Variants in LBR observed in about 807,000 individuals in gnomAD.
The protein encoded by LBR is delta(14)-sterol reductase LBR.
In LBR, 28 loss-of-function variants were observed where a neutral mutation model predicts 74.3. That is an observed-to-expected ratio of 0.38 (90% CI 0.28 to 0.52). The LOEUF is 0.52. LBR is among the 20% of genes least tolerant of loss of function. The pLI is 0.89. For missense variants in LBR, 717 were observed against 760.3 expected (o/e 0.94, Z 0.67); for synonymous variants, 228 against 269.3 (o/e 0.85, Z 1.50).
chr1:225,426,025 T>C lies in LBR; in HGVS notation c.-15+1929A>G, dbSNP rs530587580. Among the ~76,000 whole-genome samples the C allele has an allele frequency of 4.6e-5, 7 of 152,362 alleles. No homozygotes were observed. In the South Asian group the frequency reaches 1.4e-3, roughly 32 times the overall value. The stretch of plus-strand genomic sequence containing the variant: ...GTGCCAAAAAGATTCTTATCAATTA[T>C]TCTGGGTTAAACAAGTTAACACATA... On this transcript the variant is annotated intron_variant, in intron 1 of 13. Transcript: ENST00000272163.
At chr1:225,422,520 C>G (rs115878098) in intron 2 of LBR, 1 of 522,220 alleles carries the variant, frequency 1.9e-6, no homozygotes, top group African/African-American at 1.9e-5. Flanking sequence ...TTCCATGAAA[C>G]GAATGTATCT....
chr1:225,418,824 G>A (rs190147895), intron 5 of LBR, among the ~76,000 whole-genome samples: 13 of 152,190 alleles, frequency 8.5e-5, no homozygotes, highest in East Asian at 1.9e-4. Context: ...CAATCAACCC[G>A]CCTAGCAGGT....
rs76142685 is a variant in LBR, at chr1:225,425,225, G to C, written c.-14-1136C>G. On this transcript the variant is annotated intron_variant, in intron 1 of 13. Transcript: ENST00000272163. ...CCCCAAGGGAGTAGTGGGAGAGTGGGGGGGGAGGCGGGGTGAGGGAGGCCT... is the reference window on the plus strand; with the variant it reads ...CCCCAAGGGAGTAGTGGGAGAGTGGCGGGGGAGGCGGGGTGAGGGAGGCCT... Among the ~76,000 whole-genome samples, 930 of 152,240 alleles carry C rather than the reference G, an allele frequency of 6.1e-3. 3 individuals are homozygous for C. Among genetic ancestry groups the C allele is most frequent in the Non-Finnish European group, 9.6e-3 (653 of 68,022 alleles).
chr1:225,424,199 G>C (rs1401723042), intron 1 of LBR, 110 bp from the exon 2 acceptor site: 2 of 861,628 alleles, frequency 2.3e-6, no homozygotes, highest in Admixed American at 1.7e-5. Context: ...GACTGGTCAG[G>C]ATTTTAGGGC....
chr1:225,427,260 T>G (rs1160049841), intron 1 of LBR: 1 of 152,178 alleles, frequency 6.6e-6, no homozygotes, highest in African/African-American at 2.4e-5. Context: ...TTAGAACATT[T>G]TTCTGAACCC....
chr1:225,428,513 A>G (rs1338397758), upstream of LBR, among the ~76,000 whole-genome samples: 2 of 152,216 alleles, frequency 1.3e-5, no homozygotes, highest in Non-Finnish European at 2.9e-5. Context: ...GTTTCTCGGT[A>G]AAACACTATG....
At chr1:225,417,192 T>C (rs949692375) in intron 6 of LBR, among the ~76,000 whole-genome samples, 17 of 152,188 alleles carry the variant, frequency 1.1e-4, no homozygotes, top group African/African-American at 4.1e-4. Flanking sequence ...ACTAAAGTTA[T>C]GGTCTCACTC....
At chr1:225,419,664 C>CA (rs748082799) in intron 4 of LBR, 51 bp downstream of exon 4, 101 of 1,373,392 alleles carry the variant, frequency 7.4e-5, no homozygotes, top group East Asian at 3.9e-4. Flanking sequence ...CACTTTTAAC[C>CA]AAAAAAAAGA....
intron 8 of LBR, among the ~76,000 whole-genome samples, 160 bp from the exon 9 acceptor site, chr1:225,411,600 G>A (rs943015487): frequency 2.0e-4 from 30 of 152,212 alleles, no homozygotes; most frequent in African/African-American, 7.0e-4. Flanking sequence ...ACAGACGAGC[G>A]GAACCAGGAG....
intron 10 of LBR, 101 bp downstream of exon 10, chr1:225,410,190 A>C: frequency 6.4e-7 from 1 of 1,569,694 alleles, no homozygotes; most frequent in Non-Finnish European, 8.7e-7. Context: ...GAGGCAGGCC[A>C]TGCTCCCCTC....
chr1:225,406,116 A>T (rs117164211), intron 11 of LBR, among the ~76,000 whole-genome samples: 1 of 152,114 alleles, frequency 6.6e-6, no homozygotes, highest in Non-Finnish European at 1.5e-5. Context: ...CCAGTGCCTG[A>T]CTTTTCGATC....
Position 225,406,646 on chromosome 1 carries a change from A to C in LBR, c.1483+18T>G. ...ATAATATTTAATAAATTAAACTGAG[A>C]CTAAAATTAATACTCACGTTTCAGA... On this transcript the variant is annotated intron_variant, in intron 11 of 13. Coordinates refer to ENST00000272163, the MANE Select transcript of LBR (RefSeq NM_002296.4). 1 of 1,599,340 alleles carries C rather than the reference A, an allele frequency of 6.3e-7. No individual in the cohort carries two copies. The highest frequency in any genetic ancestry group is 8.5e-7 in the Non-Finnish European group (1 of 1,170,010).
chr1:225,405,959 G>C (rs1012066131), intron 11 of LBR, among the ~76,000 whole-genome samples: 2 of 152,138 alleles, frequency 1.3e-5, no homozygotes, highest in Non-Finnish European at 2.9e-5. Context: ...TAAGTGTTTA[G>C]TGAACAGTGT....
At chr1:225,403,512 A>G (rs1267070969) in intron 13 of LBR, 49 bp from the exon 14 acceptor site, 2 of 1,472,804 alleles carry the variant, frequency 1.4e-6, no homozygotes, top group Admixed American at 3.4e-5. Flanking sequence ...TTATCACTAC[A>G]ATGTATTTTT....
In LBR at chr1:225,419,404, T is replaced by G. The variant is rs565648951; in HGVS notation, c.499A>C (p.Ser167Arg). 1 of 1,613,666 alleles carries G rather than the reference T, an allele frequency of 6.2e-7. No homozygotes were observed. The highest frequency in any genetic ancestry group is 8.5e-7 in the Non-Finnish European group (1 of 1,179,518). ...QESSYIATQY[S>R]LRPRREEVKL... Reference sequence around the variant, plus strand: ...ACTTCTTCTCTTCTTGGACGAAGGCTATACTGTGTTGCTATGTAACTGCTT... The same window carrying G: ...ACTTCTTCTCTTCTTGGACGAAGGCGATACTGTGTTGCTATGTAACTGCTT... The change falls in exon 5 of 14, where the codon AGC becomes CGC. Residue 167 changes from serine (S) to arginine (R), a missense_variant. By Grantham distance (110) the Ser-to-Arg change is moderately radical. Coordinates refer to ENST00000272163, the MANE Select transcript of LBR (RefSeq NM_002296.4).
At position 225,419,436 on chromosome 1, in the gene LBR, G is replaced by A. The variant is rs776383202; in HGVS notation, c.467C>T (p.Ser156Leu). 3 of 1,612,068 alleles carry A rather than the reference G, an allele frequency of 1.9e-6. No homozygotes were observed. Among genetic ancestry groups the A allele is most frequent in the Non-Finnish European group, 2.5e-6 (3 of 1,178,316 alleles). ...TGTTGCTATGTAACTGCTTTCTTGTGACAAACTGAATTTTTCCTAAATGAA... is the reference window on the plus strand; with the variant it reads ...TGTTGCTATGTAACTGCTTTCTTGTAACAAACTGAATTTTTCCTAAATGAA... ...HKNTQEKFSL[S>L]QESSYIATQY... is the part of the protein sequence containing the mutation. Residue 156 changes from serine (S) to leucine (L), a missense_variant, in exon 5 of 14, where the codon TCA (serine) becomes TTA (leucine). Ser to Leu is a moderately radical substitution (Grantham distance 145, BLOSUM62 -2). Transcript: ENST00000272163.
intron 10 of LBR, among the ~76,000 whole-genome samples, chr1:225,409,201 C>CT (rs1204787159): frequency 6.6e-6 from 1 of 152,254 alleles, no homozygotes; most frequent in African/African-American, 2.4e-5. Context: ...TTCCCAAGCT[C>CT]TGAGCCAGGG....
At chr1:225,405,962 AAC>A (rs1192583217) in intron 11 of LBR, among the ~76,000 whole-genome samples, 1 of 152,190 alleles carries the variant, frequency 6.6e-6, no homozygotes, top group Non-Finnish European at 1.5e-5. Flanking sequence ...GTGTTTAGTG[AAC>A]AGTGTAAGAA....
chr1:225,421,736 G>A (rs1473440197), intron 3 of LBR, among the ~76,000 whole-genome samples: 8 of 152,134 alleles, frequency 5.3e-5, no homozygotes, highest in Admixed American at 2.6e-4. Flanking sequence ...GAATGTTTCC[G>A]TAATACAGGT....
Sources: allele counts gnomAD v4.1 joint callset (sites outside exome capture counted in the v4.1 genomes callset), GRCh38; gene constraint gnomAD v4.1.1; transcripts MANE v1.5; gene names NCBI Gene and HGNC (gene_info 2026-07-23, HGNC 2026-07-21).